The following GRK4 variants were observed in gnomAD, a reference collection of about 807,000 sequenced individuals.
GRK4 encodes G protein-coupled receptor kinase 4.
Under a neutral mutation model 77.9 loss-of-function variants are expected in GRK4, and 73 were observed. That is an observed-to-expected ratio of 0.94 (90% confidence interval 0.78 to 1.14). GRK4 has a LOEUF of 1.14. Ranked by LOEUF, GRK4 falls within the 50% of genes most tolerant of loss-of-function variation. GRK4 has a pLI of 0.00. For synonymous variants in GRK4, 257 were observed against 254.4 expected (o/e 1.01, Z -0.10); for missense variants, 729 against 700.2 (o/e 1.04, Z -0.46).
chr4:3,000,998 A>G (rs1729393690), intron 4 of GRK4, among the ~76,000 whole-genome samples: 1 of 150,998 alleles, frequency 6.6e-6, no homozygotes, highest in Non-Finnish European at 1.5e-5. Flanking sequence ...CCCCTTGGTG[A>G]TGCAGGTGCA....
chr4:2,988,632 T>C, intron 2 of GRK4, 95 bp from the exon 3 acceptor site: 2 of 690,822 alleles, frequency 2.9e-6, no homozygotes, highest in Non-Finnish European at 5.3e-6. Flanking sequence ...TTCTTGACTT[T>C]TACTGTATCG....
chr4:3,001,064 T>C (rs995506461), intron 4 of GRK4, among the ~76,000 whole-genome samples: 1 of 143,284 alleles, frequency 7.0e-6, no homozygotes, highest in Non-Finnish European at 1.5e-5. Flanking sequence ...GTTGTAGGGC[T>C]AAATGAGACT....
At chr4:3,001,620 G>A (rs931393887) in intron 4 of GRK4, among the ~76,000 whole-genome samples, 3 of 151,922 alleles carry the variant, frequency 2.0e-5, no homozygotes, top group East Asian at 1.9e-4. Flanking sequence ...ACCCTCCTTC[G>A]CCTCCCAAAG....
Position 3,025,270 on chromosome 4 carries a change from CAAA to C in GRK4, c.971-2625_971-2623del, listed in dbSNP as rs1210467737. Among the ~76,000 whole-genome samples the C allele has an allele frequency of 3.0e-4, 20 of 66,704 alleles. No individual in the cohort carries two copies. In the East Asian group the frequency reaches 3.3e-3, roughly 11 times the overall value. 43.8% of individuals were successfully genotyped at this position (66,704 alleles called of 152,430 possible). A position where few individuals can be genotyped will look rare whatever the true frequency, so the allele number is the denominator to read the frequency against. On this transcript the variant is annotated intron_variant, in intron 10 of 15. Coordinates refer to ENST00000398052, the MANE Select transcript of GRK4 (RefSeq NM_182982.3). ...TAGGTGACAGAGTGAGACTCTGTCT[CAAA>C]AAAAAAAAAAAAAAAAGTCACTCAG...
At chr4:3,032,600 A>G (rs1739479655) in intron 12 of GRK4, among the ~76,000 whole-genome samples, 1 of 152,132 alleles carries the variant, frequency 6.6e-6, no homozygotes, top group Non-Finnish European at 1.5e-5. Context: ...TGTCTGAGTG[A>G]GGGCTCTGTG....
At chr4:2,992,853 G>A (rs888369442) in intron 4 of GRK4, among the ~76,000 whole-genome samples, 20 of 151,882 alleles carry the variant, frequency 1.3e-4, no homozygotes, top group African/African-American at 2.7e-4. Context: ...GCATGGTGGC[G>A]TGCACCTGTG....
intron 8 of GRK4, among the ~76,000 whole-genome samples, chr4:3,015,326 T>C (rs541381140): frequency 6.6e-6 from 1 of 152,144 alleles, no homozygotes; most frequent in South Asian, 2.1e-4. Flanking sequence ...AGCCCGGAGG[T>C]TAGCTGCTTT....
At chr4:2,969,676 C>CA (rs1211602774) in intron 1 of GRK4, among the ~76,000 whole-genome samples, 1 of 147,744 alleles carries the variant, frequency 6.8e-6, no homozygotes, top group Non-Finnish European at 1.5e-5. Flanking sequence ...GGTGCCCAGC[C>CA]TTTTTTTTTT....
intron 7 of GRK4, among the ~76,000 whole-genome samples, chr4:3,012,017 A>G (rs1212743790): frequency 6.6e-6 from 1 of 152,182 alleles, no homozygotes; most frequent in African/African-American, 2.4e-5. Flanking sequence ...TCTCATCTCT[A>G]GCAGGGAAAT....
chr4:3,040,701 T>C lies in GRK4; in HGVS notation c.*76T>C, dbSNP rs947192834. On this transcript the variant is annotated 3_prime_UTR_variant, in exon 16 of 16. Transcript: ENST00000398052. ...TGTTAGCGTCTCGTCCCACCTGGAA[T>C]TGTAATAAATACATCTAAATAAAAC... The C allele has an allele frequency of 7.6e-6, 9 of 1,187,950 alleles. No individual in the cohort carries two copies. In the African/African-American group the frequency reaches 9.0e-5, roughly 12 times the overall value. 73.6% of individuals were successfully genotyped at this position (1,187,950 alleles called of 1,614,324 possible).
At position 2,993,111 on chromosome 4, in the gene GRK4, G is replaced by T. The variant is rs1434589209; in HGVS notation, c.339+819G>T. On this transcript the variant is annotated intron_variant, in intron 4 of 15. Transcript: ENST00000398052. ...TTAGATCTCTTAGAAAATTGATTCA[G>T]TGTATTTAAAGTTTCAGAATATAGA... is the stretch of plus-strand genomic sequence containing the variant. Among the ~76,000 whole-genome samples, 6 of 126,320 alleles carry T rather than the reference G, an allele frequency of 4.7e-5. No homozygotes were observed. In the East Asian group the frequency reaches 1.2e-3, roughly 25 times the overall value. 82.9% of individuals were successfully genotyped at this position (126,320 alleles called of 152,430 possible).
intron 2 of GRK4, among the ~76,000 whole-genome samples, chr4:2,986,013 A>G (rs970131869): frequency 6.6e-6 from 1 of 150,776 alleles, no homozygotes; most frequent in African/African-American, 2.4e-5. Context: ...AAGAAGTCAG[A>G]TATAGAATCA....
At chr4:2,985,735 A>G in intron 2 of GRK4, 1 of 328,048 alleles carries the variant, frequency 3.0e-6, no homozygotes, top group South Asian at 2.3e-5. Context: ...GTGGTGGCTC[A>G]CGCCCGTAAT....
In GRK4 at chr4:2,988,815, G is replaced by A; in HGVS notation, c.237G>A (p.Arg79=). The change falls in exon 3 of 16, where the codon AGG becomes AGA. Residue 79 remains arginine (R), a synonymous_variant. Transcript: ENST00000398052. ...GTGATACCAAACCCACTCTAAAGAG[G>A]CACATTGAATTCTTGGATGCAGTGG... ...QFCDTKPTLK[R]HIEFLDAVAE... is the part of the protein sequence containing the mutation. 1 of 1,608,928 alleles carries A rather than the reference G, an allele frequency of 6.2e-7. No homozygotes were observed.
At position 2,970,676 on chromosome 4, in the gene GRK4, C is replaced by CT. The variant is rs1227402955; in HGVS notation, c.52+6563dup. Among the ~76,000 whole-genome samples, 464 of 148,784 alleles carry CT rather than the reference C, an allele frequency of 3.1e-3. 1 individual carries two copies. Among genetic ancestry groups the CT allele is most frequent in the Admixed American group, 6.3e-3 (94 of 15,010 alleles). On this transcript the variant is annotated intron_variant, in intron 1 of 15. Transcript: ENST00000398052. The stretch of plus-strand genomic sequence containing the variant: ...CATCTCAAAAAAAAAAAAAAATGTT[C>CT]TTTTTTTTTGGGGGGGTCAGTCTCG...
intron 2 of GRK4, among the ~76,000 whole-genome samples, chr4:2,986,334 T>G (rs1357717346): frequency 2.0e-5 from 3 of 150,962 alleles, no homozygotes; most frequent in Non-Finnish European, 4.4e-5. Context: ...TAAAAGTTCT[T>G]TATATATAAA....
chr4:2,987,951 C>A (rs1724881592), intron 2 of GRK4, among the ~76,000 whole-genome samples: 1 of 151,682 alleles, frequency 6.6e-6, no homozygotes, highest in Non-Finnish European at 1.5e-5. Context: ...AGGCATGTGC[C>A]TATAATCCAA....
chr4:2,992,485 G>A (rs879294183), intron 4 of GRK4, among the ~76,000 whole-genome samples, 193 bp downstream of exon 4: 3 of 152,002 alleles, frequency 2.0e-5, no homozygotes, highest in Admixed American at 2.0e-4. Flanking sequence ...TTCGAGATCA[G>A]CATGGCCAAC....
chr4:3,040,713 C>A lies in GRK4; in HGVS notation c.*88C>A. On this transcript the variant is annotated 3_prime_UTR_variant, in exon 16 of 16. Coordinates refer to ENST00000398052, the MANE Select transcript of GRK4 (RefSeq NM_182982.3). ...GTCCCACCTGGAATTGTAATAAATA[C>A]ATCTAAATAAAACATGCCTTGGGAG... The A allele has an allele frequency of 9.2e-7, 1 of 1,089,842 alleles. No individual in the cohort carries two copies. Among genetic ancestry groups the A allele is most frequent in the Non-Finnish European group, 1.4e-6 (1 of 728,278 alleles). The allele number at this position is 1,089,842 out of a possible 1,614,324, so 67.5% of individuals were successfully genotyped here. A position where few individuals can be genotyped will look rare whatever the true frequency, so the allele number is the denominator to read the frequency against.
Sources: gnomAD v4.1 joint callset for allele counts (sites outside exome capture counted in the v4.1 genomes callset) on GRCh38, gnomAD v4.1.1 for gene constraint, MANE v1.5 for transcripts, NCBI Gene and HGNC (gene_info 2026-07-23, HGNC 2026-07-21) for gene names.